ZNF382: variants seen among roughly 807,000 people sequenced by gnomAD.
ZNF382 encodes the protein zinc finger protein 382, also known as KRAB/zinc finger suppressor protein 1.
In ZNF382, 20 loss-of-function variants were observed where a neutral mutation model predicts 38.8. That is an observed-to-expected ratio of 0.51 (90% CI 0.36 to 0.75). The LOEUF is 0.75. Among genes scored for constraint, ZNF382 ranks in the 30% least tolerant of loss-of-function variants. ZNF382 has a pLI of 0.00. For missense variants in ZNF382, 546 were observed against 654.1 expected (o/e 0.83, Z 1.80); for synonymous variants, 202 against 223.1 (o/e 0.91, Z 0.84).
At chr19:36,625,120 AT>A in intron 4 of ZNF382, among the ~76,000 whole-genome samples, 1 of 129,694 alleles carries the variant, frequency 7.7e-6, no homozygotes, top group Non-Finnish European at 1.6e-5. Flanking sequence ...ATATATATAT[AT>A]ATATATAATG....
intron 4 of ZNF382, among the ~76,000 whole-genome samples, chr19:36,616,459 C>T (rs911888236): frequency 2.0e-5 from 3 of 152,134 alleles, no homozygotes; most frequent in Admixed American, 6.5e-5. Context: ...CATACATAGG[C>T]GGACAGACCC....
intron 4 of ZNF382, among the ~76,000 whole-genome samples, chr19:36,623,742 C>T (rs913716868): frequency 4.1e-5 from 6 of 146,318 alleles, no homozygotes; most frequent in Admixed American, 1.4e-4. Context: ...TGCAGTGAGC[C>T]GGGATTGTGC....
Position 36,626,543 on chromosome 19 carries a change from G to A in ZNF382, c.646G>A (p.Glu216Lys), listed in dbSNP as rs772542955. The A allele has an allele frequency of 1.2e-6, 2 of 1,613,222 alleles. No homozygotes were observed. Among genetic ancestry groups the A allele is most frequent in the East Asian group, 2.2e-5 (1 of 44,860 alleles). The change falls in exon 5 of 5, where the codon GAA becomes AAA. Residue 216 changes from glutamate (E) to lysine (K), a missense_variant. Coordinates refer to ENST00000292928, the MANE Select transcript of ZNF382 (RefSeq NM_032825.5). The part of the protein sequence containing the change: ...QAPEQPFDHN[E>K]CEKSFLMKGM... The stretch of plus-strand genomic sequence containing the variant: ...TCCAGAGCAACCATTTGACCATAAT[G>A]AATGTGAAAAATCCTTCCTGATGAA...
chr19:36,629,460 A>C lies in ZNF382; in HGVS notation c.*1910A>C, dbSNP rs370936138. On this transcript the variant is annotated 3_prime_UTR_variant, in exon 5 of 5. Transcript: ENST00000292928. ...CCTGCTAACACCCAACTGGTACCAC[A>C]AATGAGACCTCAAGCAAGAACTGCC... 7.2e-5 allele frequency: 11 copies of C among 152,288 alleles called. No homozygotes were observed. In the East Asian group the frequency reaches 1.4e-3, roughly 19 times the overall value. 9.4% of individuals were successfully genotyped at this position (152,288 alleles called of 1,614,324 possible).
chr19:36,608,581 G>A (rs1238107107), intron 2 of ZNF382: 1 of 152,054 alleles, frequency 6.6e-6, no homozygotes, highest in African/African-American at 2.4e-5. Context: ...CTTCTTCACA[G>A]TCCGTTTTTC....
At position 36,629,147 on chromosome 19, in the gene ZNF382, G is replaced by A. The variant is rs1460113127; in HGVS notation, c.*1597G>A. 6.6e-6 allele frequency: 1 copy of A among 152,048 alleles called. No individual in the cohort carries two copies. The highest frequency in any genetic ancestry group is 2.4e-5 in the African/African-American group (1 of 41,366). 9.4% of individuals were successfully genotyped at this position (152,048 alleles called of 1,614,324 possible). On this transcript the variant is annotated 3_prime_UTR_variant, in exon 5 of 5. Coordinates refer to ENST00000292928, the MANE Select transcript of ZNF382 (RefSeq NM_032825.5). ...AGCTAATTTTCGTATTTTTAGTAGA[G>A]ACAGGGTTTCATCATGTTGGCCAGG...
rs201197350 is a variant in ZNF382 at position 36,627,082 on chromosome 19, C to T, written c.1185C>T (p.Leu395=). 4.3e-6 allele frequency: 7 copies of T among 1,614,066 alleles called. No homozygotes were observed. In the East Asian group the frequency reaches 1.6e-4, roughly 36 times the overall value. The change falls in exon 5 of 5, where the codon CTC becomes CTT. Residue 395 remains leucine, a synonymous_variant. Coordinates refer to ENST00000292928, the MANE Select transcript of ZNF382 (RefSeq NM_032825.5). The part of the protein sequence containing the change: ...CGSAFRKKSY[L]IDHQRTHTGE... ...GTGCCTTTAGGAAGAAGTCATACCT[C>T]ATTGATCACCAGAGAACTCACACAG...
intron 4 of ZNF382, among the ~76,000 whole-genome samples, chr19:36,619,208 C>A (rs984119752): frequency 6.6e-6 from 1 of 152,078 alleles, no homozygotes; most frequent in African/African-American, 2.4e-5. Flanking sequence ...TGCTTAGAGA[C>A]CAAAAACATG....
Position 36,626,921 on chromosome 19 carries a change from C to T in ZNF382, c.1024C>T (p.His342Tyr). ...AFRQKTALTL[H>Y]EKTHIEGKPF... The stretch of plus-strand genomic sequence containing the variant: ...CCGTCAGAAGACAGCCCTCACCCTT[C>T]ATGAGAAAACACATATAGAGGGGAA... The change falls in exon 5 of 5, where the codon CAT (histidine) becomes TAT (tyrosine). Residue 342 changes from histidine to tyrosine, a missense_variant. Transcript: ENST00000292928. 1 of 1,614,166 alleles carries T rather than the reference C, an allele frequency of 6.2e-7. No individual in the cohort carries two copies.
chr19:36,614,803 T>C (rs2037107741), intron 4 of ZNF382, among the ~76,000 whole-genome samples: 1 of 152,020 alleles, frequency 6.6e-6, no homozygotes, highest in African/African-American at 2.4e-5. Flanking sequence ...TCCCAGCTAC[T>C]CAGGAGCTGA....
chr19:36,626,106 A>G (rs766068238), intron 4 of ZNF382, 24 bp from the exon 5 acceptor site: 1 of 1,485,106 alleles, frequency 6.7e-7, no homozygotes, highest in Non-Finnish European at 9.0e-7. Flanking sequence ...GAAGACTCAC[A>G]GTGTTAATGG....
At chr19:36,617,693 G>A (rs1240207561) in intron 4 of ZNF382, among the ~76,000 whole-genome samples, 1 of 152,202 alleles carries the variant, frequency 6.6e-6, no homozygotes, top group Non-Finnish European at 1.5e-5. Context: ...AGTTGTGGGA[G>A]GGGGCAGTGA....
intron 4 of ZNF382, among the ~76,000 whole-genome samples, chr19:36,624,565 A>G (rs377465080): frequency 2.7e-4 from 41 of 152,260 alleles, no homozygotes; most frequent in African/African-American, 9.9e-4. Flanking sequence ...TGCTCTGCAC[A>G]TACATTGAAG....
intron 1 of ZNF382, among the ~76,000 whole-genome samples, chr19:36,607,349 C>A (rs1463377312): frequency 6.6e-6 from 1 of 152,120 alleles, no homozygotes. Context: ...TATACTTTAC[C>A]AAGAGACTGG....
chr19:36,618,931 A>G (rs2037147087), intron 4 of ZNF382, among the ~76,000 whole-genome samples: 1 of 152,094 alleles, frequency 6.6e-6, no homozygotes, highest in South Asian at 2.1e-4. Context: ...CCAGCTACTC[A>G]GGAGGCTGAG....
At chr19:36,621,324 GTTTTTTTT>G (rs10557413) in intron 4 of ZNF382, among the ~76,000 whole-genome samples, 1 of 104,470 alleles carries the variant, frequency 9.6e-6, no homozygotes, top group Non-Finnish European at 1.9e-5. Context: ...TTTTTCCCTA[GTTTTTTTT>G]TTTTTTTTTT....
At position 36,629,242 on chromosome 19, in the gene ZNF382, C is replaced by T. The variant is rs2037238309; in HGVS notation, c.*1692C>T. 6.6e-6 allele frequency: 1 copy of T among 152,148 alleles called. No individual in the cohort carries two copies. The highest frequency in any genetic ancestry group is 1.5e-5 in the Non-Finnish European group (1 of 68,094). The allele number at this position is 152,148 out of a possible 1,614,324, so 9.4% of individuals were successfully genotyped here. A position where few individuals can be genotyped will look rare whatever the true frequency, so the allele number is the denominator to read the frequency against. ...TCCCAAAGTGCTAGGATTACAGGGA[C>T]TTTTAACTCTGGGGAAAGCTCTCTT... On this transcript the variant is annotated 3_prime_UTR_variant, in exon 5 of 5. Coordinates refer to ENST00000292928, the MANE Select transcript of ZNF382 (RefSeq NM_032825.5).
intron 4 of ZNF382, among the ~76,000 whole-genome samples, chr19:36,621,396 C>T (rs1258196113): frequency 2.2e-5 from 3 of 134,420 alleles, no homozygotes; most frequent in Non-Finnish European, 4.6e-5. Context: ...TTAATATGAA[C>T]TTTAAATCCC....
At position 36,610,691 on chromosome 19, in the gene ZNF382, C is replaced by G; in HGVS notation, c.181C>G (p.Gln61Glu). The G allele has an allele frequency of 6.2e-7, 1 of 1,613,418 alleles. No homozygotes were observed. The highest frequency in any genetic ancestry group is 8.5e-7 in the Non-Finnish European group (1 of 1,179,636). ...GCCTGATATGATCCGCAAGTTGGAA[C>G]AAGGAGAAGAGCTATGGACACAGAG... ...AKPDMIRKLE[Q>E]GEELWTQRIF... Residue 61 changes from glutamine (Q) to glutamate (E), a missense_variant, in exon 4 of 5, where the codon CAA (glutamine) becomes GAA (glutamate). Gln to Glu is a conservative substitution (Grantham distance 29). Transcript: ENST00000292928.
Sources: gnomAD v4.1 joint callset for allele counts (sites outside exome capture counted in the v4.1 genomes callset) on GRCh38, gnomAD v4.1.1 for gene constraint, MANE v1.5 for transcripts, NCBI Gene and HGNC (gene_info 2026-07-23, HGNC 2026-07-21) for gene names.